The following CCDC102B variants were observed in gnomAD, a reference collection of about 807,000 sequenced individuals.
CCDC102B encodes the protein coiled-coil domain-containing protein 102B.
CCDC102B carries 75 observed loss-of-function variants against 57.4 expected under a neutral mutation model. The observed-to-expected ratio is 1.31, with a 90% CI of 1.08 to 1.58. The LOEUF (loss-of-function observed/expected upper bound fraction) is 1.58, where lower values mean the gene tolerates loss of function less well. Ranked by LOEUF, CCDC102B falls within the 40% of genes most tolerant of loss-of-function variation. The pLI is 0.00. For synonymous variants in CCDC102B, 206 were observed against 201.9 expected, an observed-to-expected ratio of 1.02 and a Z score of -0.17; for missense variants, 636 against 582.6, an observed-to-expected ratio of 1.09 and a Z score of -0.94.
At chr18:68,720,639 T>C (rs2032275083) in intron 2 of CCDC102B, among the ~76,000 whole-genome samples, 3 of 152,232 alleles carry the variant, frequency 2.0e-5, no homozygotes, top group Admixed American at 1.3e-4. Flanking sequence ...TTGATCCATA[T>C]CCTTATTTCA....
At chr18:68,947,929 T>C (rs1599735082) in intron 6 of CCDC102B, among the ~76,000 whole-genome samples, 1 of 152,040 alleles carries the variant, frequency 6.6e-6, no homozygotes, top group African/African-American at 2.4e-5. Flanking sequence ...AATGAAAAAA[T>C]TGTATTTTTT....
At chr18:68,763,650 A>G (rs1201635897) in intron 2 of CCDC102B, among the ~76,000 whole-genome samples, 1 of 151,754 alleles carries the variant, frequency 6.6e-6, no homozygotes, top group African/African-American at 2.4e-5. Flanking sequence ...TTTATACAGA[A>G]TATTTTATAT....
intron 6 of CCDC102B, chr18:68,897,797 C>A (rs2040296996): frequency 2.5e-6 from 1 of 403,904 alleles, no homozygotes; most frequent in Non-Finnish European, 4.3e-6. Context: ...AGCGACTATA[C>A]AATAAGCATT....
intron 1 of CCDC102B, among the ~76,000 whole-genome samples, chr18:68,821,984 T>C (rs535930169): frequency 6.6e-6 from 1 of 152,324 alleles, no homozygotes; most frequent in Non-Finnish European, 1.5e-5. Context: ...ATTTACTAAA[T>C]GTGCTAGGTC....
At chr18:69,007,116 A>G (rs1209788448) in intron 6 of CCDC102B, among the ~76,000 whole-genome samples, 1 of 152,216 alleles carries the variant, frequency 6.6e-6, no homozygotes, top group Admixed American at 6.5e-5. Context: ...ATATTTTAAA[A>G]ATCACTTTAA....
intron 2 of CCDC102B, among the ~76,000 whole-genome samples, chr18:68,779,716 G>A (rs1010061226): frequency 2.0e-5 from 3 of 152,026 alleles, no homozygotes; most frequent in African/African-American, 7.2e-5. Flanking sequence ...AAAAATATAG[G>A]TGACTGTAGA....
At chr18:68,770,125 A>G (rs185506348) in intron 2 of CCDC102B, among the ~76,000 whole-genome samples, 383 of 152,346 alleles carry the variant, frequency 2.5e-3, no homozygotes, top group African/African-American at 8.9e-3. Flanking sequence ...ATTTGATCAG[A>G]TGACTATAGT....
At chr18:68,846,074 A>G (rs2037841928) in intron 3 of CCDC102B, among the ~76,000 whole-genome samples, 1 of 151,788 alleles carries the variant, frequency 6.6e-6, no homozygotes, top group Admixed American at 6.6e-5. Context: ...GAATGTCAAT[A>G]CTGGCAAAGC....
At chr18:68,721,623 G>A (rs879715141) in intron 2 of CCDC102B, 34 of 152,180 alleles carry the variant, frequency 2.2e-4, no homozygotes, top group Admixed American at 7.9e-4. Flanking sequence ...TCTGATAAAA[G>A]AGGATGAAAA....
At chr18:68,803,883 A>G (rs2035941198) in intron 1 of CCDC102B, among the ~76,000 whole-genome samples, 1 of 152,212 alleles carries the variant, frequency 6.6e-6, no homozygotes. Context: ...TGACAACATC[A>G]TAAACTACAA....
intron 6 of CCDC102B, among the ~76,000 whole-genome samples, chr18:68,921,837 G>T (rs933149438): frequency 1.3e-5 from 2 of 152,170 alleles, no homozygotes; most frequent in African/African-American, 4.8e-5. Context: ...TGAGAGCTAT[G>T]TCAGGCTTCT....
chr18:68,951,448 T>A (rs1381769342), intron 6 of CCDC102B, among the ~76,000 whole-genome samples: 3 of 152,194 alleles, frequency 2.0e-5, no homozygotes, highest in Admixed American at 2.0e-4. Flanking sequence ...TCCTCTTTAT[T>A]CACCAACTTT....
At chr18:68,852,789 TTTA>T (rs1352122832) in intron 4 of CCDC102B, among the ~76,000 whole-genome samples, 1 of 152,204 alleles carries the variant, frequency 6.6e-6, no homozygotes, top group Admixed American at 6.5e-5. Flanking sequence ...ATTTGGTTGA[TTTA>T]TTTTTAATTT....
At chr18:68,831,050 A>G (rs536080576) in intron 1 of CCDC102B, among the ~76,000 whole-genome samples, 6 of 152,072 alleles carry the variant, frequency 3.9e-5, no homozygotes, top group South Asian at 4.1e-4. Flanking sequence ...TCTCTGATCT[A>G]TGAGGTTATT....
At chr18:68,934,724 G>C (rs2041786646) in intron 6 of CCDC102B, among the ~76,000 whole-genome samples, 1 of 151,798 alleles carries the variant, frequency 6.6e-6, no homozygotes, top group Admixed American at 6.6e-5. Flanking sequence ...CCTTTTCTTT[G>C]ACTTTTTTTT....
intron 4 of CCDC102B, 72 bp downstream of exon 4, chr18:68,846,493 G>A (rs963695437): frequency 1.4e-5 from 13 of 937,828 alleles, no homozygotes; most frequent in Non-Finnish European, 2.1e-5. Context: ...TAAGCATGTG[G>A]GCAGAAAGGC....
At chr18:68,716,351 A>G (rs2031990597) in intron 1 of CCDC102B, among the ~76,000 whole-genome samples, 1 of 152,056 alleles carries the variant, frequency 6.6e-6, no homozygotes, top group Non-Finnish European at 1.5e-5. Flanking sequence ...GCAAAGTGAA[A>G]TAATTTCCTC....
At chr18:68,787,565 A>T (rs1246350259) in intron 2 of CCDC102B, among the ~76,000 whole-genome samples, 1 of 151,660 alleles carries the variant, frequency 6.6e-6, no homozygotes, top group Non-Finnish European at 1.5e-5. Context: ...GGGAGAGTGT[A>T]TATGTCGAGG....
chr18:69,037,525 G>A (rs1392938620), intron 7 of CCDC102B, among the ~76,000 whole-genome samples: 2 of 151,998 alleles, frequency 1.3e-5, no homozygotes, highest in Non-Finnish European at 2.9e-5. Context: ...ATCACCTGGA[G>A]ACTGGTTGAA....
Sources: gnomAD v4.1 joint callset for allele counts (sites outside exome capture counted in the v4.1 genomes callset) on GRCh38, gnomAD v4.1.1 for gene constraint, MANE v1.5 for transcripts, NCBI Gene and HGNC (gene_info 2026-07-23, HGNC 2026-07-21) for gene names.